ARHGAP10: variants seen among roughly 807,000 people sequenced by gnomAD.
The protein encoded by ARHGAP10 is rho GTPase-activating protein 10.
A neutral mutation model predicts 108.6 loss-of-function variants in ARHGAP10; 87 were observed. That is an observed-to-expected ratio of 0.80 (90% CI 0.67 to 0.96). The LOEUF is 0.96. Among genes scored for constraint, ARHGAP10 ranks in the 40% least tolerant of loss-of-function variants. The probability of loss-of-function intolerance (pLI) is 0.00; values close to 1 mark genes in which losing one functional copy is unlikely to be tolerated. For synonymous variants in ARHGAP10, 347 were observed against 341.1 expected, an observed-to-expected ratio of 1.02 and a Z score of -0.19; for missense variants, 939 against 954.5, an observed-to-expected ratio of 0.98 and a Z score of 0.21.
At chr4:148,023,994 A>G (rs1741672277) in intron 19 of ARHGAP10, among the ~76,000 whole-genome samples, 1 of 152,208 alleles carries the variant, frequency 6.6e-6, no homozygotes, top group African/African-American at 2.4e-5. Context: ...CATGCTGTTC[A>G]GCTAATCGTT....
chr4:147,939,643 A>G (rs769001598), intron 13 of ARHGAP10, among the ~76,000 whole-genome samples, 182 bp from the exon 14 acceptor site: 5 of 152,242 alleles, frequency 3.3e-5, no homozygotes, highest in Admixed American at 6.5e-5. Context: ...TTTTTTAACC[A>G]CAACTTACAG....
Position 147,745,828 on chromosome 4 carries a change from C to T in ARHGAP10, c.154+13373C>T, listed in dbSNP as rs141653720. Among the ~76,000 whole-genome samples the T allele has an allele frequency of 3.5e-3, 453 of 129,364 alleles. 4 individuals are homozygous for T. The highest frequency in any genetic ancestry group is 0.011 in the African/African-American group (391 of 35,536). 84.9% of individuals were successfully genotyped at this position (129,364 alleles called of 152,430 possible). A position where few individuals can be genotyped will look rare whatever the true frequency, so the allele number is the denominator to read the frequency against. Reference sequence around the variant, plus strand: ...TTGAGATGGAGTTTCGCTGTTGTTGCGTAGGCTGGGTGCAGTGGCGTGATC... The same window carrying T: ...TTGAGATGGAGTTTCGCTGTTGTTGTGTAGGCTGGGTGCAGTGGCGTGATC... On this transcript the variant is annotated intron_variant, in intron 1 of 22. Coordinates refer to ENST00000336498, the MANE Select transcript of ARHGAP10 (RefSeq NM_024605.4).
chr4:147,924,349 C>T (rs1350288012), intron 13 of ARHGAP10, among the ~76,000 whole-genome samples: 2 of 151,990 alleles, frequency 1.3e-5, no homozygotes, highest in East Asian at 1.9e-4. Context: ...TTTTTTCAGC[C>T]CATGAATTAA....
chr4:147,791,348 G>A (rs539959697), intron 1 of ARHGAP10, among the ~76,000 whole-genome samples: 42 of 151,958 alleles, frequency 2.8e-4, no homozygotes, highest in Non-Finnish European at 4.9e-4. Context: ...CTAGCCTCAG[G>A]TGATCTGCCT....
rs922342782 is a variant in ARHGAP10, at chr4:148,064,601, G to A, written c.2272+94G>A. 2.7e-5 allele frequency: 31 copies of A among 1,128,324 alleles called. No homozygotes were observed. In the African/African-American group the frequency reaches 3.5e-4, roughly 13 times the overall value. 69.9% of individuals were successfully genotyped at this position (1,128,324 alleles called of 1,614,324 possible). A position where few individuals can be genotyped will look rare whatever the true frequency, so the allele number is the denominator to read the frequency against. On this transcript the variant is annotated intron_variant, in intron 22 of 22. Transcript: ENST00000336498. ...AGCAGTCAGCGATGGTGCTGTTGTC[G>A]GGAGGGCGAGTCTCCCCCTTGATGC...
At chr4:147,798,726 T>A (rs189500968) in intron 1 of ARHGAP10, among the ~76,000 whole-genome samples, 1,025 of 13,474 alleles carry the variant, frequency 0.076, 32 homozygotes, top group African/African-American at 0.15. Flanking sequence ...TTTGAGACAC[T>A]CTCTCTCTCT....
intron 1 of ARHGAP10, among the ~76,000 whole-genome samples, chr4:147,791,552 G>A (rs1052215036): frequency 2.6e-5 from 4 of 151,928 alleles, no homozygotes; most frequent in Non-Finnish European, 5.9e-5. Flanking sequence ...GTGCGTGCGC[G>A]CGTGTATATA....
At chr4:148,066,607 C>G (rs1477307037) in intron 22 of ARHGAP10, among the ~76,000 whole-genome samples, 6 of 152,222 alleles carry the variant, frequency 3.9e-5, no homozygotes, top group Admixed American at 3.3e-4. Flanking sequence ...CATGTGCACA[C>G]AAATACCAGT....
chr4:147,765,778 C>T (rs182780264), intron 1 of ARHGAP10, among the ~76,000 whole-genome samples: 10 of 152,238 alleles, frequency 6.6e-5, no homozygotes, highest in African/African-American at 1.7e-4. Context: ...CCAGCCTGGG[C>T]GACACGATGA....
At chr4:147,853,173 T>C (rs1017751064) in intron 4 of ARHGAP10, among the ~76,000 whole-genome samples, 1 of 152,174 alleles carries the variant, frequency 6.6e-6, no homozygotes, top group African/African-American at 2.4e-5. Flanking sequence ...CACACAGTAC[T>C]ATTTAGACAT....
chr4:148,062,885 T>G (rs182720702), intron 20 of ARHGAP10, among the ~76,000 whole-genome samples: 3 of 152,286 alleles, frequency 2.0e-5, no homozygotes, highest in Admixed American at 1.3e-4. Context: ...AGTGAACTCA[T>G]AGGGTGCTAG....
At chr4:147,936,815 A>C (rs1737969296) in intron 13 of ARHGAP10, among the ~76,000 whole-genome samples, 1 of 152,198 alleles carries the variant, frequency 6.6e-6, no homozygotes, top group African/African-American at 2.4e-5. Context: ...AAAGTATCAC[A>C]GGCTGGGTGA....
chr4:147,736,259 TC>T (rs1366214583), intron 1 of ARHGAP10, among the ~76,000 whole-genome samples: 6 of 152,108 alleles, frequency 3.9e-5, no homozygotes, highest in African/African-American at 1.4e-4. Context: ...ATTTAGGTCT[TC>T]CGACTTGGTT....
intron 8 of ARHGAP10, 30 bp downstream of exon 8, chr4:147,875,180 G>C (rs753545822): frequency 6.5e-7 from 1 of 1,531,318 alleles, no homozygotes; most frequent in Non-Finnish European, 8.7e-7. Context: ...TGGCTGCGTG[G>C]CTGCTTAAAA....
chr4:147,826,514 T>C (rs1224161972), intron 3 of ARHGAP10, among the ~76,000 whole-genome samples: 4 of 152,036 alleles, frequency 2.6e-5, no homozygotes, highest in Non-Finnish European at 5.9e-5. Flanking sequence ...AAAGCTGGGG[T>C]GGGTGGCAGC....
At chr4:147,991,157 A>T (rs9991710) in intron 18 of ARHGAP10, among the ~76,000 whole-genome samples, 3,459 of 151,914 alleles carry the variant, frequency 0.023, 60 homozygotes, top group South Asian at 0.049. Flanking sequence ...AAAAAAAAAA[A>T]AAATAAATAA....
chr4:147,841,721 T>G (rs1210122178), intron 3 of ARHGAP10, among the ~76,000 whole-genome samples: 2 of 152,212 alleles, frequency 1.3e-5, no homozygotes, highest in African/African-American at 4.8e-5. Context: ...ATTTTGTTCT[T>G]AAATATAATT....
intron 18 of ARHGAP10, among the ~76,000 whole-genome samples, chr4:147,973,147 A>AT (rs111825022): frequency 6.7e-4 from 102 of 151,634 alleles, no homozygotes; most frequent in Non-Finnish European, 1.3e-3. Context: ...TTCAGTGTCA[A>AT]TTTTTTTTTG....
intron 18 of ARHGAP10, among the ~76,000 whole-genome samples, chr4:147,977,343 G>A (rs1304342956): frequency 6.6e-6 from 1 of 152,200 alleles, no homozygotes; most frequent in Non-Finnish European, 1.5e-5. Context: ...GCCTTTTCTT[G>A]AGGGGAGAGG....
Sources: gnomAD v4.1 joint callset for allele counts (sites outside exome capture counted in the v4.1 genomes callset) on GRCh38, gnomAD v4.1.1 for gene constraint, MANE v1.5 for transcripts, NCBI Gene and HGNC (gene_info 2026-07-23, HGNC 2026-07-21) for gene names.